The following NEBL variants were observed in gnomAD, a reference collection of about 807,000 sequenced individuals.
NEBL encodes the protein nebulette.
In NEBL, 122 loss-of-function variants were observed where a neutral mutation model predicts 140.2. The ratio of observed to expected loss-of-function variants is 0.87; its 90% CI spans 0.75 to 1.01. The LOEUF (loss-of-function observed/expected upper bound fraction) is 1.01. Ranked by LOEUF, NEBL falls within the 50% of genes least tolerant of loss-of-function variation. NEBL has a pLI of 0.00. For synonymous variants in NEBL, 436 were observed against 398.9 expected (o/e 1.09, Z -1.11); for missense variants, 1,365 against 1,231.3 (o/e 1.11, Z -1.62).
intron 1 of NEBL, among the ~76,000 whole-genome samples, chr10:21,269,202 G>A (rs1842832761): frequency 6.6e-6 from 1 of 152,084 alleles, no homozygotes; most frequent in Non-Finnish European, 1.5e-5. Flanking sequence ...GGTACCCAGG[G>A]GCCTTCTGAG....
chr10:20,855,399 T>C (rs1305654117), intron 9 of NEBL, among the ~76,000 whole-genome samples: 1 of 151,432 alleles, frequency 6.6e-6, no homozygotes, highest in African/African-American at 2.4e-5. Context: ...CCACAACAAA[T>C]ACATATAAAT....
chr10:21,192,736 GA>G (rs1841593180), intron 3 of NEBL, among the ~76,000 whole-genome samples: 1 of 150,850 alleles, frequency 6.6e-6, no homozygotes, highest in Non-Finnish European at 1.5e-5. Context: ...TCCCAGCTAC[GA>G]GGGGGGCTGA....
chr10:21,129,115 A>C (rs1019378778), intron 2 of NEBL, among the ~76,000 whole-genome samples: 6 of 152,314 alleles, frequency 3.9e-5, no homozygotes, highest in African/African-American at 1.4e-4. Context: ...AAATTAAAGG[A>C]ATTTGTTGCC....
rs962486792 is a variant in NEBL at position 20,808,375 on chromosome 10, T to C, written c.2761+135A>G. The C allele has an allele frequency of 1.3e-5, 12 of 954,090 alleles. No individual in the cohort carries two copies. In the South Asian group the frequency reaches 1.6e-4, roughly 13 times the overall value. 59.1% of individuals were successfully genotyped at this position (954,090 alleles called of 1,614,324 possible). On this transcript the variant is annotated intron_variant, in intron 26 of 27. Transcript: ENST00000377122. ...AAAAAAAAAAAAAGACTATTAACTT[T>C]CTGAACTTAATTTTAAATTCTCAAA... is the stretch of plus-strand genomic sequence containing the variant.
chr10:21,103,333 C>G (rs1452357953), intron 2 of NEBL, among the ~76,000 whole-genome samples: 1 of 151,732 alleles, frequency 6.6e-6, no homozygotes. Context: ...CCTGCCTCAG[C>G]CTCCCCAGTA....
chr10:20,842,191 A>T lies in NEBL; in HGVS notation c.1228-1342T>A, dbSNP rs953254116. ...TTAGCCTGTCCTCTGCTCAACTAAT[A>T]GCTTACTAGACATTGGAATGGACTG... On this transcript the variant is annotated intron_variant, in intron 12 of 27. Coordinates refer to ENST00000377122, the MANE Select transcript of NEBL (RefSeq NM_006393.3). 1.4e-4 allele frequency among the ~76,000 whole-genome samples: 22 copies of T among 152,188 alleles called. No homozygotes were observed. The South Asian group carries it at 4.6e-3, about 32-fold the overall frequency.
chr10:21,194,716 A>C (rs562355451), intron 3 of NEBL, among the ~76,000 whole-genome samples: 1 of 152,292 alleles, frequency 6.6e-6, no homozygotes, highest in South Asian at 2.1e-4. Flanking sequence ...TCTGTCCTGC[A>C]CAATCCAATT....
intron 2 of NEBL, among the ~76,000 whole-genome samples, chr10:21,055,069 CA>C (rs1480147046): frequency 6.6e-6 from 1 of 152,126 alleles, no homozygotes; most frequent in Non-Finnish European, 1.5e-5. Flanking sequence ...GTTTCAAAAC[CA>C]CCATAGTTCA....
intron 2 of NEBL, among the ~76,000 whole-genome samples, chr10:21,137,604 C>T (rs910025331): frequency 6.6e-5 from 10 of 152,218 alleles, no homozygotes; most frequent in Non-Finnish European, 1.3e-4. Context: ...ACCTCCTTGG[C>T]CACTTCTGAT....
chr10:21,189,451 C>T (rs1169834980), intron 3 of NEBL, among the ~76,000 whole-genome samples: 4 of 151,672 alleles, frequency 2.6e-5, no homozygotes, highest in Non-Finnish European at 5.9e-5. Flanking sequence ...TCTGTTGTTG[C>T]TTTTTTTTGG....
At chr10:21,045,296 T>C (rs1345356562) in intron 2 of NEBL, among the ~76,000 whole-genome samples, 2 of 152,234 alleles carry the variant, frequency 1.3e-5, no homozygotes, top group African/African-American at 4.8e-5. Flanking sequence ...CCATAATTCA[T>C]TGGAAAATTT....
intron 2 of NEBL, among the ~76,000 whole-genome samples, chr10:21,143,042 C>G (rs1839715206): frequency 6.6e-6 from 1 of 151,928 alleles, no homozygotes; most frequent in Admixed American, 6.6e-5. Flanking sequence ...ATAGAAATAC[C>G]TAACAATTAT....
At chr10:21,185,487 C>CTTTTTT (rs10612676) in intron 3 of NEBL, among the ~76,000 whole-genome samples, 1 of 72,050 alleles carries the variant, frequency 1.4e-5, no homozygotes, top group Non-Finnish European at 2.3e-5. Context: ...ATTTTCTTTC[C>CTTTTTT]TTTTTTTTTT....
chr10:20,849,645 G>A (rs10828142), intron 11 of NEBL, among the ~76,000 whole-genome samples: 63,793 of 151,988 alleles, frequency 0.42, 14,600 homozygotes, highest in African/African-American at 0.61. Context: ...AAGACCCTTG[G>A]CAGATGTGAA....
chr10:21,086,525 C>A (rs750469162), intron 2 of NEBL, among the ~76,000 whole-genome samples: 1 of 152,200 alleles, frequency 6.6e-6, no homozygotes, highest in Non-Finnish European at 1.5e-5. Context: ...CACCTGTAAT[C>A]CCAGCACTTT....
chr10:20,868,693 C>T lies in NEBL; in HGVS notation c.655G>A (p.Ala219Thr). The change falls in exon 7 of 28, where the codon GCC becomes ACC. Residue 219 changes from alanine to threonine, a missense_variant. Coordinates refer to ENST00000377122, the MANE Select transcript of NEBL (RefSeq NM_006393.3). Reference sequence around the variant, plus strand: ...CTAGAAAGTTTAGAAGCTTCCACGGCATGTTCAAAATCTGGTCTTCCAATT... The same window carrying T: ...CTAGAAAGTTTAGAAGCTTCCACGGTATGTTCAAAATCTGGTCTTCCAATT... ...AVIGRPDFEH[A>T]VEASKLSSQI... 6.2e-7 allele frequency: 1 copy of T among 1,612,178 alleles called. No individual in the cohort carries two copies. The highest frequency in any genetic ancestry group is 8.5e-7 in the Non-Finnish European group (1 of 1,178,358).
chr10:20,900,738 G>A (rs1847829490), upstream of NEBL, among the ~76,000 whole-genome samples: 1 of 151,596 alleles, frequency 6.6e-6, no homozygotes, highest in Admixed American at 6.6e-5. Flanking sequence ...CCAGCTACTA[G>A]GGAGGCTGAG....
intron 3 of NEBL, among the ~76,000 whole-genome samples, chr10:21,189,530 T>C (rs968970389): frequency 6.6e-6 from 1 of 152,208 alleles, no homozygotes; most frequent in Non-Finnish European, 1.5e-5. Context: ...AGGGGCACGA[T>C]CTCTGCTCAC....
At chr10:21,166,151 C>T (rs932121766) in intron 2 of NEBL, among the ~76,000 whole-genome samples, 6 of 131,162 alleles carry the variant, frequency 4.6e-5, no homozygotes, top group Admixed American at 1.8e-4. Context: ...ATCCGGGAGG[C>T]GGAGCTTGCA....
Sources: gnomAD v4.1 joint callset for allele counts (sites outside exome capture counted in the v4.1 genomes callset) on GRCh38, gnomAD v4.1.1 for gene constraint, MANE v1.5 for transcripts, NCBI Gene and HGNC (gene_info 2026-07-23, HGNC 2026-07-21) for gene names.